The following CAVIN3 variants were observed in gnomAD, a reference collection of about 807,000 sequenced individuals.
CAVIN3 encodes caveolae-associated protein 3.
Under a neutral mutation model 8.2 loss-of-function variants are expected in CAVIN3, and 11 were observed. The observed-to-expected ratio is 1.35, with a 90% CI of 0.85 to 2.23. The LOEUF (loss-of-function observed/expected upper bound fraction) is 2.23. Among genes scored for constraint, CAVIN3 ranks in the 30% most tolerant of loss-of-function variants. The probability of loss-of-function intolerance (pLI) is 0.00; values close to 1 mark genes in which losing one functional copy is unlikely to be tolerated. For missense variants in CAVIN3, 401 were observed against 359.5 expected (o/e 1.12, Z -0.93); for synonymous variants, 191 against 166.3 (o/e 1.15, Z -1.14).
Position 6,320,436 on chromosome 11 carries a change from G to T in CAVIN3, c.41C>A (p.Ala14Glu). 1 of 1,548,736 alleles carries T rather than the reference G, an allele frequency of 6.5e-7. No homozygotes were observed. ...GGCGTGCACGGGACCCCCCGCCGGC[G>T]CCTCGGGCACAGGCCCCCGCTCCAA... is the stretch of plus-strand genomic sequence containing the variant. The part of the protein sequence containing the change: ...SALERGPVPE[A>E]PAGGPVHAVT... Residue 14 changes from alanine (A) to glutamate (E), a missense_variant, in exon 1 of 2, where the codon GCG becomes GAG. Ala to Glu is a moderately radical substitution (Grantham distance 107). Coordinates refer to ENST00000303927, the MANE Select transcript of CAVIN3 (RefSeq NM_145040.3).
chr11:6,319,452 G>C lies in CAVIN3; in HGVS notation c.497C>G (p.Ser166Trp). 1 of 1,610,854 alleles carries C rather than the reference G, an allele frequency of 6.2e-7. No individual in the cohort carries two copies. ...EQLEAEVGESSDEEPVESRAQ... is the reference protein window; with the variant it reads ...EQLEAEVGESWDEEPVESRAQ... ...CCTGGACTCCACCGGCTCCTCGTCCGAGCTCTCTCCAACTTCGGCCTCCAG... is the reference window on the plus strand; with the variant it reads ...CCTGGACTCCACCGGCTCCTCGTCCCAGCTCTCTCCAACTTCGGCCTCCAG... Residue 166 changes from serine to tryptophan, a missense_variant, in exon 2 of 2, where the codon TCG (serine) becomes TGG (tryptophan). Transcript: ENST00000303927.
rs372219819 is a variant in CAVIN3 at position 6,320,420 on chromosome 11, G to T, written c.57C>A (p.Pro19=). 1.0e-4 allele frequency: 160 copies of T among 1,555,938 alleles called. No individual in the cohort carries two copies. Among genetic ancestry groups the T allele is most frequent in the Non-Finnish European group, 1.3e-4 (156 of 1,158,584 alleles). Residue 19 remains proline, a synonymous_variant, in exon 1 of 2, where the codon CCC becomes CCA. Coordinates refer to ENST00000303927, the MANE Select transcript of CAVIN3 (RefSeq NM_145040.3). ...GPVPEAPAGG[P]VHAVTVVTLL... The stretch of plus-strand genomic sequence containing the variant: ...GGGTCACCACCGTCACGGCGTGCAC[G>T]GGACCCCCCGCCGGCGCCTCGGGCA...
chr11:6,319,499 C>T lies in CAVIN3; in HGVS notation c.450G>A (p.Gln150=), dbSNP rs1388991206. The T allele has an allele frequency of 1.2e-6, 2 of 1,601,320 alleles. No homozygotes were observed. The highest frequency in any genetic ancestry group is 3.4e-5 in the Admixed American group (2 of 59,272). The change falls in exon 2 of 2, where the codon CAG becomes CAA. Residue 150 remains glutamine (Q), a synonymous_variant. Transcript: ENST00000303927. ...KAPEPLGPAD[Q]SELGPEQLEA... The stretch of plus-strand genomic sequence containing the variant: ...CCAGCTGCTCTGGGCCCAGCTCGGA[C>T]TGGTCCGCCGGGCCCAAGGGCTCTG...
chr11:6,319,059 G>T lies in CAVIN3; in HGVS notation c.*104C>A. 4 of 1,248,836 alleles carry T rather than the reference G, an allele frequency of 3.2e-6. No homozygotes were observed. The highest frequency in any genetic ancestry group is 4.4e-6 in the Non-Finnish European group (4 of 917,118). 77.4% of individuals were successfully genotyped at this position (1,248,836 alleles called of 1,614,324 possible). ...AAGGGAGGGCCAGAGCGCCCGCCTT[G>T]GTGGATGTAGGATTCGCTCCTTATT... On this transcript the variant is annotated 3_prime_UTR_variant, in exon 2 of 2. Coordinates refer to ENST00000303927, the MANE Select transcript of CAVIN3 (RefSeq NM_145040.3).
chr11:6,319,721 C>T, intron 1 of CAVIN3, 157 bp from the exon 2 acceptor site: 1 of 934,930 alleles, frequency 1.1e-6, no homozygotes, highest in South Asian at 1.4e-5. Flanking sequence ...AAGCTGCGTG[C>T]GAACTGCAAA....
chr11:6,319,054 G>T lies in CAVIN3; in HGVS notation c.*109C>A. The T allele has an allele frequency of 8.3e-7, 1 of 1,205,424 alleles. No individual in the cohort carries two copies. The highest frequency in any genetic ancestry group is 1.1e-6 in the Non-Finnish European group (1 of 878,880). 74.7% of individuals were successfully genotyped at this position (1,205,424 alleles called of 1,614,324 possible). On this transcript the variant is annotated 3_prime_UTR_variant, in exon 2 of 2. Coordinates refer to ENST00000303927, the MANE Select transcript of CAVIN3 (RefSeq NM_145040.3). The stretch of plus-strand genomic sequence containing the variant: ...TAAGGAAGGGAGGGCCAGAGCGCCC[G>T]CCTTGGTGGATGTAGGATTCGCTCC...
intron 1 of CAVIN3, 199 bp downstream of exon 1, chr11:6,319,894 G>A (rs1309817866): frequency 1.4e-6 from 1 of 721,602 alleles, no homozygotes; most frequent in African/African-American, 1.8e-5. Context: ...GATTGGCCAG[G>A]CGGGGCTCAG....
At position 6,320,424 on chromosome 11, in the gene CAVIN3, C is replaced by A. The variant is rs753614559; in HGVS notation, c.53G>T (p.Gly18Val). The A allele has an allele frequency of 3.2e-6, 5 of 1,552,160 alleles. No homozygotes were observed. The highest frequency in any genetic ancestry group is 4.3e-6 in the Non-Finnish European group (5 of 1,156,644). Residue 18 changes from glycine to valine, a missense_variant, in exon 1 of 2, where the codon GGT (glycine) becomes GTT (valine). By Grantham distance (109) the Gly-to-Val change is moderately radical. Coordinates refer to ENST00000303927, the MANE Select transcript of CAVIN3 (RefSeq NM_145040.3). ...CACCACCGTCACGGCGTGCACGGGA[C>A]CCCCCGCCGGCGCCTCGGGCACAGG... Reference protein sequence around the residue: ...RGPVPEAPAGGPVHAVTVVTL... With the variant: ...RGPVPEAPAGVPVHAVTVVTL...
rs1265622301 is a variant in CAVIN3, at chr11:6,320,358, C to T, written c.119G>A (p.Arg40Gln). The stretch of plus-strand genomic sequence containing the variant: ...TCGAGCCAGGCCTCCCTGCCGCTCC[C>T]GCAGAGTCTCCAGCATGGAGGCCAG... ...EKLASMLETLRERQGGLARRQ... is the reference protein window; with the variant it reads ...EKLASMLETLQERQGGLARRQ... Residue 40 changes from arginine (R) to glutamine (Q), a missense_variant, in exon 1 of 2, where the codon CGG becomes CAG. By Grantham distance (43) the Arg-to-Gln change is conservative. Transcript: ENST00000303927. 6.3e-7 allele frequency: 1 copy of T among 1,583,890 alleles called. No individual in the cohort carries two copies. Among genetic ancestry groups the T allele is most frequent in the Non-Finnish European group, 8.5e-7 (1 of 1,172,812 alleles).
intron 1 of CAVIN3, 142 bp from the exon 2 acceptor site, chr11:6,319,706 A>G (rs1407322864): frequency 1.8e-6 from 2 of 1,084,592 alleles, no homozygotes; most frequent in African/African-American, 3.1e-5. Context: ...AGGTAAGGGG[A>G]GGGAAAGCTG....
Position 6,320,465 on chromosome 11 carries a change from A to C in CAVIN3, c.12T>G (p.Ser4Arg), listed in dbSNP as rs1846825255. ...CGGGCACAGGCCCCCGCTCCAACGC[A>C]CTCTCCCTCATGATCCCTGACCGCT... is the stretch of plus-strand genomic sequence containing the variant. MRE[S>R]ALERGPVPEA... The change falls in exon 1 of 2, where the codon AGT becomes AGG. Residue 4 changes from serine to arginine, a missense_variant. Ser to Arg is a moderately radical substitution (Grantham distance 110). Transcript: ENST00000303927. 1.3e-6 allele frequency: 2 copies of C among 1,520,456 alleles called. No homozygotes were observed. The highest frequency in any genetic ancestry group is 8.8e-7 in the Non-Finnish European group (1 of 1,141,364). 94.2% of individuals were successfully genotyped at this position (1,520,456 alleles called of 1,614,324 possible). A position where few individuals can be genotyped will look rare whatever the true frequency, so the allele number is the denominator to read the frequency against.
At position 6,319,084 on chromosome 11, in the gene CAVIN3, T is replaced by G; in HGVS notation, c.*79A>C. The G allele has an allele frequency of 7.0e-7, 1 of 1,425,526 alleles. No individual in the cohort carries two copies. Among genetic ancestry groups the G allele is most frequent in the Non-Finnish European group, 9.4e-7 (1 of 1,066,924 alleles). 88.3% of individuals were successfully genotyped at this position (1,425,526 alleles called of 1,614,324 possible). On this transcript the variant is annotated 3_prime_UTR_variant, in exon 2 of 2. Coordinates refer to ENST00000303927, the MANE Select transcript of CAVIN3 (RefSeq NM_145040.3). The stretch of plus-strand genomic sequence containing the variant: ...GGTGGATGTAGGATTCGCTCCTTAT[T>G]AGGGCGTGAGTGCTACATTCTGAAA...
chr11:6,319,679 G>T, intron 1 of CAVIN3, 115 bp from the exon 2 acceptor site: 1 of 1,327,334 alleles, frequency 7.5e-7, no homozygotes, highest in Non-Finnish European at 1.0e-6. Context: ...AGTCTGGGGG[G>T]AAAGGCAGGC....
chr11:6,320,421 G>C lies in CAVIN3; in HGVS notation c.56C>G (p.Pro19Arg). The change falls in exon 1 of 2, where the codon CCC becomes CGC. Residue 19 changes from proline (P) to arginine (R), a missense_variant. Coordinates refer to ENST00000303927, the MANE Select transcript of CAVIN3 (RefSeq NM_145040.3). ...GPVPEAPAGG[P>R]VHAVTVVTLL... ...GGTCACCACCGTCACGGCGTGCACG[G>C]GACCCCCCGCCGGCGCCTCGGGCAC... is the stretch of plus-strand genomic sequence containing the variant. 6.4e-7 allele frequency: 1 copy of C among 1,557,062 alleles called. No individual in the cohort carries two copies. Among genetic ancestry groups the C allele is most frequent in the Non-Finnish European group, 8.6e-7 (1 of 1,158,870 alleles).
chr11:6,320,110 G>A lies in CAVIN3; in HGVS notation c.367C>T (p.His123Tyr), dbSNP rs1272936119. 1.9e-6 allele frequency: 3 copies of A among 1,590,184 alleles called. No individual in the cohort carries two copies. Among genetic ancestry groups the A allele is most frequent in the Admixed American group, 1.7e-5 (1 of 59,046 alleles). Residue 123 changes from histidine to tyrosine, a missense_variant, in exon 1 of 2, where the codon CAC (histidine) becomes TAC (tyrosine). Transcript: ENST00000303927. ...TCACTGACCTTGAAGAGCAGAACGT[G>A]GAGCTTCCCGCGCGCCACCAGCAGC... ...HGLLVARGKLHVLLFKEEGEV... is the reference protein window; with the variant it reads ...HGLLVARGKLYVLLFKEEGEV...
chr11:6,319,033 G>A lies in CAVIN3; in HGVS notation c.*130C>T. 1.1e-6 allele frequency: 1 copy of A among 888,266 alleles called. No individual in the cohort carries two copies. The highest frequency in any genetic ancestry group is 1.7e-6 in the Non-Finnish European group (1 of 596,690). 55.0% of individuals were successfully genotyped at this position (888,266 alleles called of 1,614,324 possible). A position where few individuals can be genotyped will look rare whatever the true frequency, so the allele number is the denominator to read the frequency against. ...CAGAGGACACAGGACTGGGCTTAAG[G>A]AAGGGAGGGCCAGAGCGCCCGCCTT... On this transcript the variant is annotated 3_prime_UTR_variant, in exon 2 of 2. Coordinates refer to ENST00000303927, the MANE Select transcript of CAVIN3 (RefSeq NM_145040.3).
Position 6,319,036 on chromosome 11 carries a change from G to T in CAVIN3, c.*127C>A. 2 of 916,596 alleles carry T rather than the reference G, an allele frequency of 2.2e-6. No homozygotes were observed. The highest frequency in any genetic ancestry group is 3.2e-6 in the Non-Finnish European group (2 of 621,698). 56.8% of individuals were successfully genotyped at this position (916,596 alleles called of 1,614,324 possible). ...AGGACACAGGACTGGGCTTAAGGAA[G>T]GGAGGGCCAGAGCGCCCGCCTTGGT... On this transcript the variant is annotated 3_prime_UTR_variant, in exon 2 of 2. Coordinates refer to ENST00000303927, the MANE Select transcript of CAVIN3 (RefSeq NM_145040.3).
At position 6,319,311 on chromosome 11, in the gene CAVIN3, C is replaced by A; in HGVS notation, c.638G>T (p.Gly213Val). ...PPTPVKPPRL[G>V]PGRSAEAQPE... ...CTGGGCTTCAGCGCTCCGGCCAGGC[C>A]CAAGGCGAGGCGGCTTGACCGGGGT... Residue 213 changes from glycine to valine, a missense_variant, in exon 2 of 2, where the codon GGG becomes GTG. Gly to Val is a moderately radical substitution (Grantham distance 109, BLOSUM62 -3). Coordinates refer to ENST00000303927, the MANE Select transcript of CAVIN3 (RefSeq NM_145040.3). 1 of 1,606,372 alleles carries A rather than the reference C, an allele frequency of 6.2e-7. No homozygotes were observed. Among genetic ancestry groups the A allele is most frequent in the South Asian group, 1.1e-5 (1 of 90,148 alleles).
Position 6,319,503 on chromosome 11 carries a change from T to C in CAVIN3, c.446A>G (p.Asp149Gly), listed in dbSNP as rs1590694844. Residue 149 changes from aspartate (D) to glycine (G), a missense_variant, in exon 2 of 2, where the codon GAC becomes GGC. By Grantham distance (94) the Asp-to-Gly change is moderately conservative. Coordinates refer to ENST00000303927, the MANE Select transcript of CAVIN3 (RefSeq NM_145040.3). ...QKAPEPLGPA[D>G]QSELGPEQLE... ...CTGCTCTGGGCCCAGCTCGGACTGGTCCGCCGGGCCCAAGGGCTCTGGTGC... is the reference window on the plus strand; with the variant it reads ...CTGCTCTGGGCCCAGCTCGGACTGGCCCGCCGGGCCCAAGGGCTCTGGTGC... The C allele has an allele frequency of 6.2e-7, 1 of 1,600,542 alleles. No individual in the cohort carries two copies. The highest frequency in any genetic ancestry group is 1.1e-5 in the South Asian group (1 of 89,798).
Sources: allele counts gnomAD v4.1 joint callset, GRCh38; gene constraint gnomAD v4.1.1; transcripts MANE v1.5; gene names NCBI Gene and HGNC (gene_info 2026-07-23, HGNC 2026-07-21).